The following ACAN variants were observed in gnomAD, a reference collection of about 807,000 sequenced individuals.
The protein encoded by ACAN is aggrecan core protein.
A neutral mutation model predicts 169.1 loss-of-function variants in ACAN; 47 were observed. The observed-to-expected ratio is 0.28, with a 90% confidence interval of 0.22 to 0.35. The LOEUF (loss-of-function observed/expected upper bound fraction) is 0.35, where lower values mean the gene tolerates loss of function less well. Among genes scored for constraint, ACAN ranks in the 10% least tolerant of loss-of-function variants. The pLI is 1.00. For synonymous variants in ACAN, 1,115 were observed against 1,112.2 expected, an observed-to-expected ratio of 1.00 and a Z score of -0.05; for missense variants, 2,716 against 2,759.9, an observed-to-expected ratio of 0.98 and a Z score of 0.36.
At position 88,870,396 on chromosome 15, in the gene ACAN, C is replaced by G. The variant is rs1897353162; in HGVS notation, c.7061-986C>G. Reference sequence around the variant, plus strand: ...AAGAAGGGGGGCCTTGGAATTCACTCTGTCCCACACTGTGCTGGCAGATGT... The same window carrying G: ...AAGAAGGGGGGCCTTGGAATTCACTGTGTCCCACACTGTGCTGGCAGATGT... On this transcript the variant is annotated intron_variant, in intron 14 of 18. Coordinates refer to ENST00000560601, the MANE Select transcript of ACAN (RefSeq NM_001369268.1). The surrounding 1 kb of genome is among the most constrained non-coding windows in gnomAD (Gnocchi z 6.3). Among the ~76,000 whole-genome samples the G allele has an allele frequency of 1.3e-5, 2 of 152,238 alleles. No homozygotes were observed. The highest frequency in any genetic ancestry group is 1.3e-4 in the Admixed American group (2 of 15,290).
In ACAN at chr15:88,807,226, G is replaced by C. The variant is rs1221843843; in HGVS notation, c.-8+3417G>C. 1.3e-5 allele frequency among the ~76,000 whole-genome samples: 2 copies of C among 152,258 alleles called. No homozygotes were observed. The highest frequency in any genetic ancestry group is 1.9e-4 in the East Asian group (1 of 5,172). ...AAGGAAGAGGACCCAGAGTCAGAGAGGAAGCAGGGCATGGAGGAAGGTCTG... is the reference window on the plus strand; with the variant it reads ...AAGGAAGAGGACCCAGAGTCAGAGACGAAGCAGGGCATGGAGGAAGGTCTG... On this transcript the variant is annotated intron_variant, in intron 1 of 18. Transcript: ENST00000560601. The surrounding 1 kb of genome is among the most constrained non-coding windows in gnomAD (Gnocchi z 4.0).
chr15:88,857,648 G>C lies in ACAN; in HGVS notation c.5063G>C (p.Gly1688Ala), dbSNP rs752613906. 6.2e-7 allele frequency: 1 copy of C among 1,614,046 alleles called. No individual in the cohort carries two copies. The highest frequency in any genetic ancestry group is 8.5e-7 in the Non-Finnish European group (1 of 1,179,906). Residue 1688 changes from glycine to alanine, a missense_variant, in exon 12 of 19, where the codon GGT (glycine) becomes GCT (alanine). Physicochemically the swap from Gly to Ala is moderately conservative, Grantham distance 60. Around this residue, in one of 3 missense-constraint regions of ACAN, gnomAD observed 1,389 missense variants for 1,363.7 expected, o/e 1.02. Coordinates refer to ENST00000560601, the MANE Select transcript of ACAN (RefSeq NM_001369268.1). ...LEGRGTIGIS[G>A]AGEISGLPSS... ...GGGAGGGGAACCATTGGCATCAGTG[G>C]TGCAGGAGAAATATCTGGACTGCCC...
intron 1 of ACAN, among the ~76,000 whole-genome samples, chr15:88,804,064 G>A (rs1454526473): frequency 2.6e-5 from 4 of 152,200 alleles, no homozygotes; most frequent in Non-Finnish European, 5.9e-5. Flanking sequence ...AGTCCGCCAG[G>A]ATGAAGGAAC....
chr15:88,838,679 G>A lies in ACAN; in HGVS notation c.87G>A (p.Leu29=). The A allele has an allele frequency of 2.5e-6, 4 of 1,587,972 alleles. No homozygotes were observed. Among genetic ancestry groups the A allele is most frequent in the Non-Finnish European group, 3.4e-6 (4 of 1,165,568 alleles). Residue 29 remains leucine, a synonymous_variant, in exon 3 of 19, where the codon CTG becomes CTA. Transcript: ENST00000560601. The surrounding 1 kb of genome is among the most constrained non-coding windows in gnomAD (Gnocchi z 5.1). The part of the protein sequence containing the change: ...TVETSDHDNS[L]SVSIPQPSPL... Reference sequence around the variant, plus strand: ...CCCACACAGACCATGACAACTCGCTGAGTGTCAGCATCCCCCAACCGTCCC... The same window carrying A: ...CCCACACAGACCATGACAACTCGCTAAGTGTCAGCATCCCCCAACCGTCCC...
Position 88,858,554 on chromosome 15 carries a change from G to A in ACAN, c.5969G>A (p.Gly1990Glu). The change falls in exon 12 of 19, where the codon GGG becomes GAG. Residue 1990 changes from glycine to glutamate, a missense_variant. Gly to Glu is a moderately conservative substitution (Grantham distance 98). Around this residue, in one of 3 missense-constraint regions of ACAN, gnomAD observed 1,389 missense variants for 1,363.7 expected, o/e 1.02. Transcript: ENST00000560601. The surrounding 1 kb of genome is among the most constrained non-coding windows in gnomAD (Gnocchi z 4.0). Reference sequence around the variant, plus strand: ...CTGGACCTAAGTGGGCTGCAGTCCGGGCTGATAGAGCCCAGCGGAGAGCCA... The same window carrying A: ...CTGGACCTAAGTGGGCTGCAGTCCGAGCTGATAGAGCCCAGCGGAGAGCCA... ...GFLDLSGLQS[G>E]LIEPSGEPPG... The A allele has an allele frequency of 1.2e-6, 2 of 1,613,894 alleles. No individual in the cohort carries two copies. The highest frequency in any genetic ancestry group is 1.7e-6 in the Non-Finnish European group (2 of 1,179,898).
At chr15:88,821,766 T>A (rs1400805590) in intron 1 of ACAN, among the ~76,000 whole-genome samples, 1 of 152,168 alleles carries the variant, frequency 6.6e-6, no homozygotes, top group Non-Finnish European at 1.5e-5. Flanking sequence ...CTGGCCAGGA[T>A]GTACTGACCT....
chr15:88,852,386 C>T (rs923367259), intron 11 of ACAN, among the ~76,000 whole-genome samples: 2 of 152,192 alleles, frequency 1.3e-5, no homozygotes, highest in Admixed American at 6.5e-5. Flanking sequence ...TCAACCCTCT[C>T]TTGTGGGAAG....
rs527567198 is a variant in ACAN at position 88,869,910 on chromosome 15, C to T, written c.7061-1472C>T. Among the ~76,000 whole-genome samples the T allele has an allele frequency of 3.3e-5, 5 of 152,106 alleles. No individual in the cohort carries two copies. The highest frequency in any genetic ancestry group is 6.5e-5 in the Admixed American group (1 of 15,274). On this transcript the variant is annotated intron_variant, in intron 14 of 18. Transcript: ENST00000560601. This position sits in a 1 kb window ranked among gnomAD's most constrained non-coding sequence, Gnocchi z 4.2. ...CACAGCCCTGCCCTCCCATACCCAC[C>T]TCCCAGAGAAGTTGCACCCTCCAGC... is the stretch of plus-strand genomic sequence containing the variant.
rs1897118079 is a variant in ACAN, at chr15:88,858,576, G to T, written c.5991G>T (p.Glu1997Asp). 1 of 1,613,882 alleles carries T rather than the reference G, an allele frequency of 6.2e-7. No individual in the cohort carries two copies. Among genetic ancestry groups the T allele is most frequent in the Non-Finnish European group, 8.5e-7 (1 of 1,179,898 alleles). ...CCGGGCTGATAGAGCCCAGCGGAGAGCCACCAGGTACTCCATATTTTAGTG... is the reference window on the plus strand; with the variant it reads ...CCGGGCTGATAGAGCCCAGCGGAGATCCACCAGGTACTCCATATTTTAGTG... ...LQSGLIEPSG[E>D]PPGTPYFSGD... Residue 1997 changes from glutamate to aspartate, a missense_variant, in exon 12 of 19, where the codon GAG (glutamate) becomes GAT (aspartate). Transcript: ENST00000560601. The surrounding 1 kb of genome is among the most constrained non-coding windows in gnomAD (Gnocchi z 4.0).
chr15:88,831,431 G>A (rs1265428064), intron 1 of ACAN, among the ~76,000 whole-genome samples: 6 of 152,358 alleles, frequency 3.9e-5, no homozygotes, highest in African/African-American at 1.2e-4. Context: ...CATCACATGT[G>A]AGCCTCCAGT....
In ACAN at chr15:88,851,849, C is replaced by G; in HGVS notation, c.2082C>G (p.Pro694=). The change falls in exon 11 of 19, where the codon CCC becomes CCG. Residue 694 remains proline (P), a synonymous_variant. Transcript: ENST00000560601. The surrounding 1 kb of genome is among the most constrained non-coding windows in gnomAD (Gnocchi z 4.3). Reference sequence around the variant, plus strand: ...AAGAGGGTGGCACACCCACATCACCCTCTGGTGTGGAGGAGTGGATCGTGA... The same window carrying G: ...AAGAGGGTGGCACACCCACATCACCGTCTGGTGTGGAGGAGTGGATCGTGA... The part of the protein sequence containing the change: ...GEEEGGTPTS[P]SGVEEWIVTQ... The G allele has an allele frequency of 6.2e-7, 1 of 1,611,516 alleles. No homozygotes were observed.
At chr15:88,813,458 C>T (rs1283970327) in intron 1 of ACAN, among the ~76,000 whole-genome samples, 1 of 152,226 alleles carries the variant, frequency 6.6e-6, no homozygotes, top group African/African-American at 2.4e-5. Flanking sequence ...CCTGGGCCAG[C>T]TCATGTTCTG....
Position 88,843,237 on chromosome 15 carries a change from G to T in ACAN, c.758-118G>T. On this transcript the variant is annotated intron_variant, in intron 5 of 18. Transcript: ENST00000560601. This position sits in a 1 kb window ranked among gnomAD's most constrained non-coding sequence, Gnocchi z 4.0. ...TCTGAGATGCAGACATATGGGACCA[G>T]GACTTTGGGAAGTTAAAGGACTCCC... 1.1e-6 allele frequency: 1 copy of T among 934,514 alleles called. No homozygotes were observed. The highest frequency in any genetic ancestry group is 2.7e-5 in the East Asian group (1 of 36,484). 57.9% of individuals were successfully genotyped at this position (934,514 alleles called of 1,614,324 possible).
chr15:88,835,097 G>A (rs1896468116), intron 1 of ACAN, among the ~76,000 whole-genome samples: 1 of 152,136 alleles, frequency 6.6e-6, no homozygotes, highest in African/African-American at 2.4e-5. Flanking sequence ...AGCTTCCTAG[G>A]TCTAATTTCT....
rs1229886677 is a variant in ACAN, at chr15:88,860,499, C to T, written c.6946+60C>T. 13 of 1,477,210 alleles carry T rather than the reference C, an allele frequency of 8.8e-6. No homozygotes were observed. In the South Asian group the frequency reaches 1.1e-4, roughly 12 times the overall value. The allele number at this position is 1,477,210 out of a possible 1,614,324, so 91.5% of individuals were successfully genotyped here. A position where few individuals can be genotyped will look rare whatever the true frequency, so the allele number is the denominator to read the frequency against. On this transcript the variant is annotated intron_variant, in intron 13 of 18. Coordinates refer to ENST00000560601, the MANE Select transcript of ACAN (RefSeq NM_001369268.1). ...GAGGCGCTGGACAGACTTCTTCATC[C>T]CCCAAAGGGTCCCCAGGTGGGAGGA...
chr15:88,821,363 G>A lies in ACAN; in HGVS notation c.-7-14837G>A, dbSNP rs572585608. The stretch of plus-strand genomic sequence containing the variant: ...TGAGGGGTGGTCTCCCTAAGTTGTC[G>A]GGGATGATCTCCCTATGTTGTCCAG... On this transcript the variant is annotated intron_variant, in intron 1 of 18. Transcript: ENST00000560601. Among the ~76,000 whole-genome samples the A allele has an allele frequency of 2.2e-4, 34 of 152,210 alleles. No individual in the cohort carries two copies. In the East Asian group the frequency reaches 2.5e-3, roughly 11 times the overall value.
At chr15:88,840,821 T>C (rs575864667) in intron 4 of ACAN, among the ~76,000 whole-genome samples, 1 of 149,088 alleles carries the variant, frequency 6.7e-6, no homozygotes, top group South Asian at 2.1e-4. Context: ...TAGTCTAGCA[T>C]AGAGCAAGAG....
At chr15:88,832,826 C>G (rs765824866) in intron 1 of ACAN, among the ~76,000 whole-genome samples, 1 of 152,224 alleles carries the variant, frequency 6.6e-6, no homozygotes, top group Non-Finnish European at 1.5e-5. Context: ...GAGGCTCACT[C>G]AGGCCTGACA....
At chr15:88,816,235 G>A (rs150399144) in intron 1 of ACAN, among the ~76,000 whole-genome samples, 213 of 152,342 alleles carry the variant, frequency 1.4e-3, no homozygotes, top group African/African-American at 4.8e-3. Flanking sequence ...GGCAATGGGG[G>A]TTCAGGCTTA....
Sources: gnomAD v4.1 joint callset for allele counts (sites outside exome capture counted in the v4.1 genomes callset) on GRCh38, gnomAD v4.1.1 for gene constraint, gnomAD v4.1.1 regional missense constraint, Gnocchi (gnomAD v3.1) non-coding constraint, MANE v1.5 for transcripts, NCBI Gene and HGNC (gene_info 2026-07-23, HGNC 2026-07-21) for gene names.